Variants in CSMD1 observed in about 807,000 individuals in gnomAD.
CSMD1 encodes CUB and Sushi multiple domains 1, also known as CUB and sushi domain-containing protein 1.
In CSMD1, 213 loss-of-function variants were observed where a neutral mutation model predicts 417.5. That is an observed-to-expected ratio of 0.51 (90% CI 0.46 to 0.57). The LOEUF (loss-of-function observed/expected upper bound fraction) is 0.57, where lower values mean the gene tolerates loss of function less well. Ranked by LOEUF, CSMD1 falls within the 20% of genes least tolerant of loss-of-function variation. The pLI is 0.00. For missense variants in CSMD1, 6,923 were observed against 4,529.7 expected, an observed-to-expected ratio of 1.53 and a Z score of -15.17; for synonymous variants, 2,862 against 1,736.8, an observed-to-expected ratio of 1.65 and a Z score of -16.11.
intron 5 of CSMD1, among the ~76,000 whole-genome samples, chr8:3,874,841 G>A (rs1377344310): frequency 6.6e-6 from 1 of 152,186 alleles, no homozygotes; most frequent in Admixed American, 6.5e-5. Context: ...TTCGGAGGAT[G>A]AATAAACCCA....
At chr8:3,153,344 G>C (rs763195473) in intron 39 of CSMD1, among the ~76,000 whole-genome samples, 3 of 152,160 alleles carry the variant, frequency 2.0e-5, no homozygotes, top group Non-Finnish European at 4.4e-5. Flanking sequence ...AGCAGCCCTC[G>C]GGGCTGCTCT....
At chr8:4,635,342 C>G (rs962336403) in intron 2 of CSMD1, among the ~76,000 whole-genome samples, 7 of 151,902 alleles carry the variant, frequency 4.6e-5, no homozygotes, top group Non-Finnish European at 1.0e-4. Context: ...GCTGTCGATC[C>G]TGTTATAATA....
chr8:4,764,658 C>G (rs1022593774), intron 1 of CSMD1, among the ~76,000 whole-genome samples: 1 of 149,156 alleles, frequency 6.7e-6, no homozygotes, highest in Non-Finnish European at 1.5e-5. Context: ...TGTTCTTAAC[C>G]CACTTTTCAA....
At chr8:3,960,961 G>T (rs953020818) in intron 5 of CSMD1, among the ~76,000 whole-genome samples, 1 of 151,668 alleles carries the variant, frequency 6.6e-6, no homozygotes, top group Non-Finnish European at 1.5e-5. Flanking sequence ...TCTTAATATT[G>T]TATGATTTAA....
chr8:4,578,167 T>C (rs1799226610), intron 2 of CSMD1, among the ~76,000 whole-genome samples: 1 of 151,918 alleles, frequency 6.6e-6, no homozygotes, highest in African/African-American at 2.4e-5. Flanking sequence ...AGAGCATTTT[T>C]TGTTCTTTTT....
chr8:3,256,556 C>T (rs544588484), intron 26 of CSMD1, among the ~76,000 whole-genome samples: 35 of 152,298 alleles, frequency 2.3e-4, no homozygotes, highest in Non-Finnish European at 4.1e-4. Context: ...TATAATCTTG[C>T]CCCTTTTGCT....
chr8:4,262,642 C>T (rs1183508325), intron 3 of CSMD1, among the ~76,000 whole-genome samples: 1 of 152,086 alleles, frequency 6.6e-6, no homozygotes, highest in Non-Finnish European at 1.5e-5. Flanking sequence ...CCCAGTTAGC[C>T]TGGGGCTGAA....
In CSMD1 at chr8:3,359,339, T is replaced by C; in HGVS notation, c.3117A>G (p.Glu1039=). The C allele has an allele frequency of 6.2e-7, 1 of 1,612,964 alleles. No individual in the cohort carries two copies. The highest frequency in any genetic ancestry group is 1.1e-5 in the South Asian group (1 of 91,048). Residue 1039 remains glutamate (E), a splice_region_variant and synonymous_variant, in exon 21 of 70, where the codon GAA becomes GAG. Transcript: ENST00000635120. The part of the protein sequence containing the change: ...SYEGFNITFS[E]YDLEPCDDPG... ...GATCATCACATGGCTCCAGGTCATATTCTGAGGCATGCAGAGACAGAGTAA... is the reference window on the plus strand; with the variant it reads ...GATCATCACATGGCTCCAGGTCATACTCTGAGGCATGCAGAGACAGAGTAA...
At chr8:3,935,951 C>T (rs1834568) in intron 5 of CSMD1, among the ~76,000 whole-genome samples, 1 of 151,822 alleles carries the variant, frequency 6.6e-6, no homozygotes, top group East Asian at 1.9e-4. Flanking sequence ...GCTGTGAATG[C>T]AAAGGAAAAG....
At chr8:3,549,540 C>G (rs2116768594) in intron 10 of CSMD1, among the ~76,000 whole-genome samples, 1 of 152,272 alleles carries the variant, frequency 6.6e-6, no homozygotes, top group East Asian at 1.9e-4. Context: ...TGGATAAATT[C>G]ATTCATGGAT....
chr8:3,124,430 T>A (rs1195211036), intron 41 of CSMD1, among the ~76,000 whole-genome samples: 1 of 152,234 alleles, frequency 6.6e-6, no homozygotes, highest in African/African-American at 2.4e-5. Context: ...AAAATTGTTT[T>A]GTTGAAGAAA....
At chr8:4,949,912 G>C (rs1252915029) in intron 1 of CSMD1, among the ~76,000 whole-genome samples, 2 of 107,360 alleles carry the variant, frequency 1.9e-5, no homozygotes, top group Non-Finnish European at 4.1e-5. Context: ...GCACCAACTT[G>C]AGTGTGTGTG....
chr8:3,051,688 A>C (rs1811826376), intron 50 of CSMD1, among the ~76,000 whole-genome samples: 1 of 152,226 alleles, frequency 6.6e-6, no homozygotes, highest in Non-Finnish European at 1.5e-5. Flanking sequence ...GAACCATAAA[A>C]ATTCATTGTC....
chr8:3,267,853 A>T (rs1801547198), intron 26 of CSMD1, among the ~76,000 whole-genome samples: 1 of 151,994 alleles, frequency 6.6e-6, no homozygotes, highest in South Asian at 2.1e-4. Context: ...GATGTGCAGG[A>T]CCCTGGCAGG....
intron 27 of CSMD1, among the ~76,000 whole-genome samples, chr8:3,228,917 A>G (rs930159613): frequency 6.6e-6 from 1 of 152,146 alleles, no homozygotes; most frequent in Non-Finnish European, 1.5e-5. Flanking sequence ...CAGCTTGAGT[A>G]AAACGCGTGA....
intron 2 of CSMD1, among the ~76,000 whole-genome samples, chr8:4,470,029 G>A (rs1458323495): frequency 6.6e-6 from 1 of 151,792 alleles, no homozygotes; most frequent in Non-Finnish European, 1.5e-5. Flanking sequence ...TAACATGCCC[G>A]GCTAATTTCT....
intron 3 of CSMD1, among the ~76,000 whole-genome samples, chr8:4,086,688 C>G (rs1043922266): frequency 3.3e-5 from 5 of 152,194 alleles, no homozygotes; most frequent in Admixed American, 6.5e-5. Flanking sequence ...TTTAAGCAAC[C>G]TGAACTTCTT....
chr8:3,491,084 T>C (rs1818346199), intron 11 of CSMD1, among the ~76,000 whole-genome samples: 2 of 152,186 alleles, frequency 1.3e-5, no homozygotes, highest in Non-Finnish European at 1.5e-5. Flanking sequence ...AGTATGCCAA[T>C]GTCTACATAC....
chr8:4,363,490 G>T (rs746582858), intron 3 of CSMD1, among the ~76,000 whole-genome samples: 8 of 152,038 alleles, frequency 5.3e-5, no homozygotes, highest in Non-Finnish European at 8.8e-5. Flanking sequence ...TCTGGAGGAG[G>T]AAAAGCATAC....
Sources: gnomAD v4.1 joint callset for allele counts (sites outside exome capture counted in the v4.1 genomes callset) on GRCh38, gnomAD v4.1.1 for gene constraint, MANE v1.5 for transcripts, NCBI Gene and HGNC (gene_info 2026-07-23, HGNC 2026-07-21) for gene names.